Variants in FER1L6 observed in about 807,000 individuals in gnomAD.
FER1L6 encodes fer-1 like family member 6.
Under a neutral mutation model 219.2 loss-of-function variants are expected in FER1L6, and 177 were observed. The observed-to-expected ratio is 0.81, with a 90% CI of 0.71 to 0.91. The LOEUF is 0.91. FER1L6 is among the 40% of genes least tolerant of loss of function. FER1L6 has a pLI of 0.00. For missense variants in FER1L6, 2,153 were observed against 2,259.9 expected, an observed-to-expected ratio of 0.95 and a Z score of 0.96; for synonymous variants, 768 against 824.3, an observed-to-expected ratio of 0.93 and a Z score of 1.17.
At chr8:123,961,131 T>G (rs1421954370) in intron 2 of FER1L6, among the ~76,000 whole-genome samples, 2 of 151,828 alleles carry the variant, frequency 1.3e-5, no homozygotes, top group Non-Finnish European at 2.9e-5. Flanking sequence ...TGTGGTGGAG[T>G]GTGCTTGCAG....
At position 124,094,941 on chromosome 8, in the gene FER1L6, A is replaced by T; in HGVS notation, c.4598A>T (p.His1533Leu). Residue 1533 changes from histidine to leucine, a missense_variant, in exon 35 of 41, where the codon CAC (histidine) becomes CTC (leucine). Coordinates refer to ENST00000522917, the MANE Select transcript of FER1L6 (RefSeq NM_001039112.2). ...GAACACCTGGCCCTCAAGGTTTTACACTCTTGGGAGGATATCCCGGAAGTC... is the reference window on the plus strand; with the variant it reads ...GAACACCTGGCCCTCAAGGTTTTACTCTCTTGGGAGGATATCCCGGAAGTC... ...SYEHLALKVL[H>L]SWEDIPEVGC... is the part of the protein sequence containing the mutation. 6.2e-7 allele frequency: 1 copy of T among 1,614,054 alleles called. No homozygotes were observed. The highest frequency in any genetic ancestry group is 8.5e-7 in the Non-Finnish European group (1 of 1,179,970).
chr8:123,997,123 T>A (rs1817168940), intron 12 of FER1L6, among the ~76,000 whole-genome samples: 1 of 152,196 alleles, frequency 6.6e-6, no homozygotes, highest in Non-Finnish European at 1.5e-5. Context: ...TCAGATGATT[T>A]CTTGTTGCTC....
At chr8:123,954,605 C>T (rs1203028567) in intron 1 of FER1L6, among the ~76,000 whole-genome samples, 2 of 152,126 alleles carry the variant, frequency 1.3e-5, no homozygotes, top group African/African-American at 2.4e-5. Flanking sequence ...GTTCCAGGTA[C>T]GGTGCTAAAT....
intron 35 of FER1L6, 138 bp downstream of exon 35, chr8:124,095,176 G>C (rs1822226873): frequency 8.4e-7 from 1 of 1,189,338 alleles, no homozygotes; most frequent in African/African-American, 1.5e-5. Context: ...TCACAAGTAG[G>C]TGGGGTTGCT....
chr8:123,938,871 C>T (rs375269310), intron 1 of FER1L6, among the ~76,000 whole-genome samples: 14 of 152,228 alleles, frequency 9.2e-5, no homozygotes, highest in African/African-American at 3.1e-4. Context: ...TGAGATGACA[C>T]CTATTTCAAA....
At chr8:123,915,026 G>T (rs1391349309) in intron 1 of FER1L6, among the ~76,000 whole-genome samples, 5 of 148,430 alleles carry the variant, frequency 3.4e-5, no homozygotes, top group South Asian at 2.2e-4. Flanking sequence ...ACTATAAAAG[G>T]TATTACATGC....
intron 39 of FER1L6, among the ~76,000 whole-genome samples, chr8:124,108,753 G>A (rs1292390354): frequency 2.6e-5 from 4 of 151,762 alleles, no homozygotes; most frequent in Admixed American, 6.6e-5. Flanking sequence ...TGGTACCTAC[G>A]TGTAGTCCTA....
At chr8:123,854,440 A>C (rs899665752) in intron 1 of FER1L6, among the ~76,000 whole-genome samples, 1 of 152,078 alleles carries the variant, frequency 6.6e-6, no homozygotes, top group African/African-American at 2.4e-5. Flanking sequence ...TTCATCTCGG[A>C]TCTCTGCTGT....
chr8:124,062,121 G>GC (rs1820614651), intron 25 of FER1L6, 89 bp downstream of exon 25: 7 of 1,390,514 alleles, frequency 5.0e-6, no homozygotes, highest in Non-Finnish European at 7.0e-6. Flanking sequence ...CAAAGAGGAT[G>GC]CCCCACAGCC....
At chr8:123,875,475 C>CCTT (rs975200245) in intron 1 of FER1L6, among the ~76,000 whole-genome samples, 2 of 152,104 alleles carry the variant, frequency 1.3e-5, no homozygotes, top group African/African-American at 2.4e-5. Flanking sequence ...CTCCTGTCTG[C>CCTT]CTTCTTCTTC....
chr8:123,956,689 G>A (rs761232714), intron 2 of FER1L6, among the ~76,000 whole-genome samples: 3 of 152,226 alleles, frequency 2.0e-5, no homozygotes, highest in Non-Finnish European at 4.4e-5. Context: ...GAGGGTGACC[G>A]CAGAGCTTAA....
intron 39 of FER1L6, among the ~76,000 whole-genome samples, chr8:124,104,623 G>A (rs1342558310): frequency 1.3e-5 from 2 of 152,192 alleles, no homozygotes; most frequent in African/African-American, 4.8e-5. Context: ...AAATTCCTGA[G>A]CACAGTACGA....
chr8:124,112,452 G>A (rs1452870044), intron 39 of FER1L6, among the ~76,000 whole-genome samples: 4 of 152,194 alleles, frequency 2.6e-5, no homozygotes, highest in South Asian at 2.1e-4. Flanking sequence ...GAATATCTAC[G>A]ACCATGTTCT....
intron 18 of FER1L6, among the ~76,000 whole-genome samples, chr8:124,027,201 T>G (rs1818745998): frequency 6.6e-6 from 1 of 152,242 alleles, no homozygotes; most frequent in Non-Finnish European, 1.5e-5. Flanking sequence ...ATATTTTGGG[T>G]GTTGGGGATT....
chr8:123,988,528 G>T (rs1450087126), intron 12 of FER1L6, among the ~76,000 whole-genome samples: 1 of 151,726 alleles, frequency 6.6e-6, no homozygotes, highest in African/African-American at 2.4e-5. Context: ...TTTCGTTGTG[G>T]AGATCTTTCA....
At chr8:123,877,026 C>T (rs1471479347) in intron 1 of FER1L6, among the ~76,000 whole-genome samples, 1 of 152,228 alleles carries the variant, frequency 6.6e-6, no homozygotes, top group Non-Finnish European at 1.5e-5. Context: ...TTCATAACTG[C>T]CTATTTGCTG....
intron 1 of FER1L6, among the ~76,000 whole-genome samples, chr8:123,904,488 A>C (rs1812917692): frequency 6.6e-6 from 1 of 152,140 alleles, no homozygotes; most frequent in Admixed American, 6.6e-5. Context: ...TTCAGCAGAG[A>C]TATGTGGACA....
intron 33 of FER1L6, among the ~76,000 whole-genome samples, chr8:124,082,997 G>C (rs1465030307): frequency 2.0e-5 from 1 of 50,796 alleles, no homozygotes; most frequent in Non-Finnish European, 4.4e-5. Context: ...ATGTGTGTGT[G>C]TATATATTAT....
chr8:124,081,792 G>A (rs1821566484), intron 32 of FER1L6, among the ~76,000 whole-genome samples: 1 of 152,146 alleles, frequency 6.6e-6, no homozygotes, highest in Non-Finnish European at 1.5e-5. Context: ...GAATGGCAAT[G>A]TATTGGGCAC....
Sources: gnomAD v4.1 joint callset for allele counts (sites outside exome capture counted in the v4.1 genomes callset) on GRCh38, gnomAD v4.1.1 for gene constraint, MANE v1.5 for transcripts, NCBI Gene and HGNC (gene_info 2026-07-23, HGNC 2026-07-21) for gene names.